The following LONRF3 variants were observed in gnomAD, a reference collection of about 807,000 sequenced individuals.
The protein encoded by LONRF3 is LON peptidase N-terminal domain and ring finger 3, also known as LON peptidase N-terminal domain and RING finger protein 3.
LONRF3 carries 19 observed loss-of-function variants against 51.7 expected under a neutral mutation model. The observed-to-expected ratio is 0.37, with a 90% CI of 0.26 to 0.54. LONRF3 has a LOEUF of 0.54. Among genes scored for constraint, LONRF3 ranks in the 20% least tolerant of loss-of-function variants. LONRF3 has a pLI of 0.86. For missense variants in LONRF3, 521 were observed against 623.9 expected (o/e 0.84, Z 1.76); for synonymous variants, 265 against 257.8 (o/e 1.03, Z -0.27).
At chrX:118,990,364 G>T (rs1923334480) in intron 4 of LONRF3, 106 bp from the exon 5 acceptor site, 4 of 581,511 alleles carry the variant, frequency 6.9e-6, no homozygotes, top group South Asian at 2.6e-5. Context: ...GGGAGGTGGT[G>T]GTGAGAGTGG....
chrX:118,974,928 C>T lies in LONRF3; in HGVS notation c.148C>T (p.Pro50Ser). Residue 50 changes from proline to serine, a missense_variant, in exon 1 of 11, where the codon CCG becomes TCG. Pro to Ser is a moderately conservative substitution (Grantham distance 74). Around this residue, in one of 2 missense-constraint regions of LONRF3, gnomAD observed 376 missense variants for 376.7 expected, o/e 1.00. Transcript: ENST00000371628. ...KVAAEGPAPL[P>S]TREPEQEQSP... is the part of the protein sequence containing the mutation. ...GGCTGCAGAGGGCCCCGCACCTCTACCGACGCGGGAGCCAGAGCAAGAGCA... is the reference window on the plus strand; with the variant it reads ...GGCTGCAGAGGGCCCCGCACCTCTATCGACGCGGGAGCCAGAGCAAGAGCA... 3.4e-6 allele frequency: 4 copies of T among 1,185,284 alleles called. No homozygotes were observed. The highest frequency in any genetic ancestry group is 4.5e-6 in the Non-Finnish European group (4 of 882,044).
At chrX:119,013,013 C>A in intron 8 of LONRF3, 26 bp from the exon 9 acceptor site, 1 of 1,208,119 alleles carries the variant, frequency 8.3e-7, no homozygotes, top group Non-Finnish European at 1.1e-6. Flanking sequence ...AGGATCTAGT[C>A]TCTCGACTCC....
At chrX:118,989,794 A>G in intron 4 of LONRF3, 122 bp downstream of exon 4, 1 of 730,738 alleles carries the variant, frequency 1.4e-6, no homozygotes, top group Non-Finnish European at 2.0e-6. Flanking sequence ...CAGCTCTGGC[A>G]TTTACTAGCT....
At chrX:119,005,153 T>C (rs1924617080) in intron 5 of LONRF3, among the ~76,000 whole-genome samples, 1 of 111,593 alleles carries the variant, frequency 9.0e-6, no homozygotes, top group East Asian at 2.8e-4. Context: ...GACTCTCCAC[T>C]GAACACTCTT....
At position 119,011,985 on chromosome X, in the gene LONRF3, G is replaced by C; in HGVS notation, c.1811+12G>C. 8.3e-7 allele frequency: 1 copy of C among 1,210,004 alleles called. No individual in the cohort carries two copies. The highest frequency in any genetic ancestry group is 1.1e-6 in the Non-Finnish European group (1 of 894,198). ...GATCCTGTCAAAGGGTAAGTGAGGA[G>C]CCATGCGAGCAAAGGGAGGTTGTGT... On this transcript the variant is annotated intron_variant, in intron 8 of 10. Coordinates refer to ENST00000371628, the MANE Select transcript of LONRF3 (RefSeq NM_001031855.3).
At chrX:118,992,062 G>A (rs1923468782) in intron 5 of LONRF3, among the ~76,000 whole-genome samples, 1 of 112,138 alleles carries the variant, frequency 8.9e-6, no homozygotes, top group African/African-American at 3.2e-5. Context: ...GCATTAAAAG[G>A]AGGCTGAGAT....
At chrX:119,012,883 C>T in intron 8 of LONRF3, 156 bp from the exon 9 acceptor site, 1 of 1,196,548 alleles carries the variant, frequency 8.4e-7, no homozygotes, top group Non-Finnish European at 1.1e-6. Context: ...CACACAGGCA[C>T]TGCCTGTTGT....
chrX:118,975,983 ACT>A (rs772605479), intron 1 of LONRF3, among the ~76,000 whole-genome samples: 1 of 107,401 alleles, frequency 9.3e-6, no homozygotes, highest in Non-Finnish European at 1.9e-5. Flanking sequence ...TGTTCCTCTG[ACT>A]CTCCTTCTCC....
At chrX:119,012,117 C>T (rs1925153120) in intron 8 of LONRF3, 144 bp downstream of exon 8, 1 of 569,998 alleles carries the variant, frequency 1.8e-6, no homozygotes, top group Non-Finnish European at 2.7e-6. Flanking sequence ...GATCATTGTC[C>T]CTTTGGTGGT....
chrX:119,002,918 C>A (rs1924435511), intron 5 of LONRF3, among the ~76,000 whole-genome samples: 1 of 110,524 alleles, frequency 9.0e-6, no homozygotes, highest in Admixed American at 9.7e-5. Flanking sequence ...CCTGTCTCAG[C>A]CTCCCCAGTA....
At chrX:119,005,933 T>C in intron 5 of LONRF3, among the ~76,000 whole-genome samples, 188 bp from the exon 6 acceptor site, 1 of 112,122 alleles carries the variant, frequency 8.9e-6, no homozygotes, top group Non-Finnish European at 1.9e-5. Flanking sequence ...CTTTAATAAA[T>C]GTATTTTAAT....
At chrX:119,001,442 T>C (rs1255773401) in intron 5 of LONRF3, among the ~76,000 whole-genome samples, 5 of 112,307 alleles carry the variant, frequency 4.5e-5, no homozygotes, top group Non-Finnish European at 9.4e-5. Flanking sequence ...CTGTCTGGGT[T>C]TAAATTTTCT....
chrX:118,985,143 T>C (rs1922854101), intron 3 of LONRF3, among the ~76,000 whole-genome samples: 1 of 112,346 alleles, frequency 8.9e-6, no homozygotes, highest in African/African-American at 3.2e-5. Context: ...AGGGAACTGC[T>C]GTTATTATTT....
At chrX:118,988,280 C>G (rs1268011025) in intron 3 of LONRF3, among the ~76,000 whole-genome samples, 1 of 111,840 alleles carries the variant, frequency 8.9e-6, no homozygotes, top group African/African-American at 3.3e-5. Flanking sequence ...ATACTGAACC[C>G]AAATGCCTGG....
At chrX:118,988,795 T>A (rs1923194202) in intron 3 of LONRF3, among the ~76,000 whole-genome samples, 1 of 100,502 alleles carries the variant, frequency 1.0e-5, no homozygotes, top group Non-Finnish European at 2.0e-5. Flanking sequence ...CCAGGTGATT[T>A]TGTCTTTTTT....
chrX:118,988,797 G>A (rs866911077), intron 3 of LONRF3, among the ~76,000 whole-genome samples: 1 of 90,771 alleles, frequency 1.1e-5, no homozygotes, highest in Non-Finnish European at 2.2e-5. Flanking sequence ...AGGTGATTTT[G>A]TCTTTTTTTT....
At chrX:119,008,058 T>C (rs978289574) in intron 6 of LONRF3, among the ~76,000 whole-genome samples, 2 of 111,720 alleles carry the variant, frequency 1.8e-5, no homozygotes, top group South Asian at 3.8e-4. Flanking sequence ...GGAAATGCAG[T>C]TGATTTTCCC....
intron 7 of LONRF3, 131 bp downstream of exon 7, chrX:119,009,378 T>A: frequency 4.6e-6 from 3 of 651,951 alleles, no homozygotes; most frequent in East Asian, 3.7e-5. Flanking sequence ...GGTGAGAGTA[T>A]TTACACCATG....
intron 5 of LONRF3, among the ~76,000 whole-genome samples, chrX:119,002,673 G>A (rs1924403049): frequency 8.9e-6 from 1 of 111,906 alleles, no homozygotes; most frequent in Admixed American, 9.5e-5. Context: ...GGGTGTCTAT[G>A]TATGCTCTAG....
Sources: gnomAD v4.1 joint callset for allele counts (sites outside exome capture counted in the v4.1 genomes callset) on GRCh38, gnomAD v4.1.1 for gene constraint, gnomAD v4.1.1 regional missense constraint, MANE v1.5 for transcripts, NCBI Gene and HGNC (gene_info 2026-07-23, HGNC 2026-07-21) for gene names.